The following ZMYM1 variants were observed in gnomAD, a reference collection of about 807,000 sequenced individuals.
ZMYM1 encodes zinc finger MYM-type containing 1.
In ZMYM1, 39 loss-of-function variants were observed where a neutral mutation model predicts 60.0. That is an observed-to-expected ratio of 0.65 (90% CI 0.50 to 0.85). The LOEUF (loss-of-function observed/expected upper bound fraction) is 0.85. Ranked by LOEUF, ZMYM1 falls within the 40% of genes least tolerant of loss-of-function variation. The probability of loss-of-function intolerance (pLI) is 0.00; values close to 1 mark genes in which losing one functional copy is unlikely to be tolerated. For missense variants in ZMYM1, 1,171 were observed against 1,309.5 expected (o/e 0.89, Z 1.63); for synonymous variants, 413 against 454.0 (o/e 0.91, Z 1.15).
rs1468782726 is a variant in ZMYM1, at chr1:35,113,185, A to G, written c.1355A>G (p.Lys452Arg). The G allele has an allele frequency of 1.9e-6, 3 of 1,613,562 alleles. No homozygotes were observed. In the Admixed American group the frequency reaches 5.0e-5, roughly 27 times the overall value. Residue 452 changes from lysine (K) to arginine (R), a missense_variant, in exon 10 of 10, where the codon AAA becomes AGA. Transcript: ENST00000359858. ...CTSKVQKVKGKSRSIKKSCCA... is the reference protein window; with the variant it reads ...CTSKVQKVKGRSRSIKKSCCA... ...TCCAAAGTACAAAAAGTTAAAGGTA[A>G]ATCACGAAGTATTAAAAAATCTTGT... is the stretch of plus-strand genomic sequence containing the variant.
At chr1:35,066,532 C>T (rs1641974810) in intron 1 of ZMYM1, among the ~76,000 whole-genome samples, 2 of 151,980 alleles carry the variant, frequency 1.3e-5, no homozygotes, top group Non-Finnish European at 2.9e-5. Context: ...TTCACAATAG[C>T]TCAAAATATG....
intron 1 of ZMYM1, among the ~76,000 whole-genome samples, chr1:35,079,705 T>C (rs1210508588): frequency 6.6e-6 from 1 of 152,220 alleles, no homozygotes; most frequent in Non-Finnish European, 1.5e-5. Flanking sequence ...TCTCGCCGCC[T>C]CCTGCTCCTG....
chr1:35,112,191 T>C, intron 9 of ZMYM1, 61 bp downstream of exon 9: 8 of 1,560,664 alleles, frequency 5.1e-6, no homozygotes, highest in Non-Finnish European at 7.1e-6. Context: ...GTTGTTGTTG[T>C]TGTTGAGACA....
chr1:35,112,217 A>T (rs1644112975), intron 9 of ZMYM1, 87 bp downstream of exon 9: 2 of 1,401,334 alleles, frequency 1.4e-6, no homozygotes, highest in Admixed American at 3.5e-5. Context: ...TCGCTCTGCC[A>T]CCCAAGCTGG....
At chr1:35,111,282 A>G (rs577072498) in intron 7 of ZMYM1, among the ~76,000 whole-genome samples, 108 of 152,346 alleles carry the variant, frequency 7.1e-4, no homozygotes, top group Non-Finnish European at 1.3e-3. Flanking sequence ...TGCTATTTAC[A>G]TAGACCATAG....
chr1:35,111,403 GA>G (rs1644082170), intron 7 of ZMYM1, among the ~76,000 whole-genome samples: 1 of 152,196 alleles, frequency 6.6e-6, no homozygotes, highest in African/African-American at 2.4e-5. Flanking sequence ...TAAGGTTTAT[GA>G]ATCCTGGAAG....
At chr1:35,103,129 C>T (rs998236517) in intron 4 of ZMYM1, among the ~76,000 whole-genome samples, 1 of 152,138 alleles carries the variant, frequency 6.6e-6, no homozygotes, top group Non-Finnish European at 1.5e-5. Context: ...AATTTGTATA[C>T]CAAGAAATTA....
In ZMYM1 at chr1:35,068,052, G is replaced by C. The variant is rs898995928; in HGVS notation, c.-301+8127G>C. Reference sequence around the variant, plus strand: ...TCCTCCCTGCTTGGCCTCCCAAAGTGCTGGGATTACAGGCGTGAGCCACAG... The same window carrying C: ...TCCTCCCTGCTTGGCCTCCCAAAGTCCTGGGATTACAGGCGTGAGCCACAG... On this transcript the variant is annotated intron_variant, in intron 1 of 10. Coordinates refer to the ZMYM1 transcript ENST00000417119. 7.2e-5 allele frequency among the ~76,000 whole-genome samples: 11 copies of C among 152,058 alleles called. No homozygotes were observed. In the East Asian group the frequency reaches 2.2e-3, roughly 30 times the overall value.
At chr1:35,062,299 G>C (rs1641890896) in intron 1 of ZMYM1, among the ~76,000 whole-genome samples, 1 of 152,152 alleles carries the variant, frequency 6.6e-6, no homozygotes, top group Admixed American at 6.5e-5. Flanking sequence ...TTTCTACTTA[G>C]AAGCAAGTTG....
At chr1:35,086,249 T>C (rs915003061) in intron 1 of ZMYM1, among the ~76,000 whole-genome samples, 1 of 152,096 alleles carries the variant, frequency 6.6e-6, no homozygotes, top group East Asian at 1.9e-4. Flanking sequence ...AAATTTTCAA[T>C]ATATACAGAA....
rs553327455 is a variant in ZMYM1 at position 35,115,115 on chromosome 1, A to T, written c.3285A>T (p.Thr1095=). ...NSFSTLPRLK[T]YLCNTMGQEK... ...TTTCTACCCTGCCTCGTCTTAAGAC[A>T]TATTTATGTAATACCATGGGACAAG... Residue 1095 remains threonine (T), a synonymous_variant, in exon 10 of 10, where the codon ACA becomes ACT. Transcript: ENST00000359858. 1.9e-6 allele frequency: 3 copies of T among 1,614,146 alleles called. No homozygotes were observed. Among genetic ancestry groups the T allele is most frequent in the Non-Finnish European group, 2.5e-6 (3 of 1,179,992 alleles).
intron 1 of ZMYM1, among the ~76,000 whole-genome samples, chr1:35,073,210 G>A (rs1282321295): frequency 2.2e-5 from 3 of 134,142 alleles, no homozygotes; most frequent in Admixed American, 1.6e-4. Flanking sequence ...CTGAGATCAC[G>A]TCACTGCACT....
intron 1 of ZMYM1, among the ~76,000 whole-genome samples, chr1:35,081,652 T>C (rs1376880473): frequency 6.6e-6 from 1 of 152,228 alleles, no homozygotes; most frequent in African/African-American, 2.4e-5. Flanking sequence ...CAGAAAATGG[T>C]TATTTTTATA....
At chr1:35,112,056 A>G in intron 8 of ZMYM1, 31 bp from the exon 9 acceptor site, 1 of 1,607,824 alleles carries the variant, frequency 6.2e-7, no homozygotes, top group Non-Finnish European at 8.5e-7. Context: ...TATAGTATAT[A>G]AGATCTTGAA....
intron 1 of ZMYM1, among the ~76,000 whole-genome samples, chr1:35,069,290 T>C (rs1642029042): frequency 6.6e-6 from 1 of 152,228 alleles, no homozygotes; most frequent in Admixed American, 6.5e-5. Flanking sequence ...TCATTCTAAC[T>C]GAAGTGAGGT....
At chr1:35,111,452 A>C (rs1644083975) in intron 7 of ZMYM1, among the ~76,000 whole-genome samples, 1 of 152,230 alleles carries the variant, frequency 6.6e-6, no homozygotes, top group Non-Finnish European at 1.5e-5. Flanking sequence ...TTCAATCAGA[A>C]TCTCTTTTCT....
At chr1:35,116,798 T>G (rs1275460123), downstream of ZMYM1, among the ~76,000 whole-genome samples, 1 of 149,888 alleles carries the variant, frequency 6.7e-6, no homozygotes, top group Non-Finnish European at 1.5e-5. Context: ...ATTCAAAGAT[T>G]TGAAAGAATT....
intron 8 of ZMYM1, 51 bp from the exon 9 acceptor site, chr1:35,112,036 T>C: frequency 1.3e-6 from 2 of 1,584,342 alleles, no homozygotes; most frequent in Non-Finnish European, 1.7e-6. Flanking sequence ...TATGATGCTA[T>C]TTTATAGGTT....
intron 1 of ZMYM1, among the ~76,000 whole-genome samples, chr1:35,068,378 C>T (rs551002107): frequency 1.0e-4 from 15 of 146,118 alleles, no homozygotes; most frequent in African/African-American, 3.6e-4. Flanking sequence ...AAGATCACAC[C>T]GTTGCACTCC....
Sources: allele counts gnomAD v4.1 joint callset (sites outside exome capture counted in the v4.1 genomes callset), GRCh38; gene constraint gnomAD v4.1.1; transcripts MANE v1.5; gene names NCBI Gene and HGNC (gene_info 2026-07-23, HGNC 2026-07-21).